ZBTB7C: variants seen among roughly 807,000 people sequenced by gnomAD.
The protein encoded by ZBTB7C is zinc finger and BTB domain-containing protein 7C.
ZBTB7C carries 8 observed loss-of-function variants against 25.7 expected under a neutral mutation model. The observed-to-expected ratio is 0.31, with a 90% CI of 0.18 to 0.56. The LOEUF (loss-of-function observed/expected upper bound fraction) is 0.56, where lower values mean the gene tolerates loss of function less well. Ranked by LOEUF, ZBTB7C falls within the 20% of genes least tolerant of loss-of-function variation. The pLI, the probability that ZBTB7C is intolerant of heterozygous loss-of-function variation, is 0.91. For missense variants in ZBTB7C, 824 were observed against 855.2 expected, an observed-to-expected ratio of 0.96 and a Z score of 0.46; for synonymous variants, 394 against 369.0, an observed-to-expected ratio of 1.07 and a Z score of -0.78.
At chr18:48,048,640 C>T (rs2036564979) in intron 3 of ZBTB7C, among the ~76,000 whole-genome samples, 1 of 152,204 alleles carries the variant, frequency 6.6e-6, no homozygotes, top group Non-Finnish European at 1.5e-5. Flanking sequence ...TCAACCAATG[C>T]TAGCAATTGT....
At chr18:48,309,328 T>C (rs1016967559) in intron 2 of ZBTB7C, among the ~76,000 whole-genome samples, 1 of 152,216 alleles carries the variant, frequency 6.6e-6, no homozygotes, top group Non-Finnish European at 1.5e-5. Flanking sequence ...CACACTCTTC[T>C]CCAGCAATTT....
At chr18:48,322,474 T>C (rs1156435383) in intron 2 of ZBTB7C, among the ~76,000 whole-genome samples, 3 of 152,164 alleles carry the variant, frequency 2.0e-5, no homozygotes, top group African/African-American at 7.2e-5. Context: ...GCAAGAACCA[T>C]GTCAGCACTT....
At chr18:48,378,485 C>G (rs1009606427) in intron 1 of ZBTB7C, among the ~76,000 whole-genome samples, 2 of 152,182 alleles carry the variant, frequency 1.3e-5, no homozygotes, top group Non-Finnish European at 2.9e-5. Flanking sequence ...CTTTACAATA[C>G]TGACATTGAA....
rs2035643873 is a variant in ZBTB7C, at chr18:48,029,543, G to C, written c.1577C>G (p.Pro526Arg). The C allele has an allele frequency of 6.4e-7, 1 of 1,563,358 alleles. No homozygotes were observed. The change falls in exon 5 of 5, where the codon CCG becomes CGG. Residue 526 changes from proline (P) to arginine (R), a missense_variant. Pro to Arg is a moderately radical substitution (Grantham distance 103). Transcript: ENST00000590800. ...GHLGGAAVCLPGPSPAKHFLA... is the reference protein window; with the variant it reads ...GHLGGAAVCLRGPSPAKHFLA... ...GAAGTGCTTGGCGGGGCTGGGGCCC[G>C]GGAGGCACACAGCTGCGCCGCCCAG... is the stretch of plus-strand genomic sequence containing the variant.
chr18:48,398,907 C>A (rs960351781), intron 1 of ZBTB7C, among the ~76,000 whole-genome samples: 1 of 152,196 alleles, frequency 6.6e-6, no homozygotes, highest in Admixed American at 6.5e-5. Flanking sequence ...GTCTTGTGAA[C>A]AATAACTTGG....
At chr18:48,368,753 A>G (rs1309020732) in intron 1 of ZBTB7C, among the ~76,000 whole-genome samples, 1 of 152,226 alleles carries the variant, frequency 6.6e-6, no homozygotes, top group Non-Finnish European at 1.5e-5. Context: ...CAGGTTTCTC[A>G]TCAGAAACCA....
At chr18:48,395,481 G>GTGTA (rs2048009521) in intron 1 of ZBTB7C, among the ~76,000 whole-genome samples, 2 of 151,496 alleles carry the variant, frequency 1.3e-5, no homozygotes, top group African/African-American at 4.9e-5. Context: ...GTGTGTGTGT[G>GTGTA]TGTGTGTGTG....
intron 3 of ZBTB7C, among the ~76,000 whole-genome samples, chr18:48,043,940 GT>G (rs2036364664): frequency 6.6e-6 from 1 of 152,164 alleles, no homozygotes; most frequent in African/African-American, 2.4e-5. Context: ...TTTACCCAGG[GT>G]GAACAGGGGA....
chr18:48,071,044 A>G (rs192718909), intron 3 of ZBTB7C, among the ~76,000 whole-genome samples: 1 of 152,348 alleles, frequency 6.6e-6, no homozygotes, highest in Admixed American at 6.5e-5. Flanking sequence ...ACTGCTTTTC[A>G]CATCTATAGC....
intron 2 of ZBTB7C, among the ~76,000 whole-genome samples, chr18:48,239,994 C>T (rs2043481866): frequency 6.6e-6 from 1 of 151,764 alleles, no homozygotes; most frequent in South Asian, 2.1e-4. Flanking sequence ...AAAAAAATCT[C>T]CAGAGAAATA....
At chr18:48,159,086 C>T (rs1201415590) in intron 3 of ZBTB7C, among the ~76,000 whole-genome samples, 1 of 152,240 alleles carries the variant, frequency 6.6e-6, no homozygotes, top group Non-Finnish European at 1.5e-5. Flanking sequence ...CCACTCCTGG[C>T]CTCAAGGAGC....
chr18:48,224,561 T>A (rs1193133002), intron 2 of ZBTB7C, among the ~76,000 whole-genome samples: 1 of 152,142 alleles, frequency 6.6e-6, no homozygotes, highest in African/African-American at 2.4e-5. Context: ...CTGTCCTTCA[T>A]TAACAGCAAA....
intron 3 of ZBTB7C, among the ~76,000 whole-genome samples, chr18:48,096,848 G>A (rs1264689532): frequency 1.3e-5 from 2 of 152,212 alleles, no homozygotes; most frequent in Non-Finnish European, 2.9e-5. Flanking sequence ...ATCAAAGTTT[G>A]TGTTGGGTCT....
At chr18:48,246,324 G>A (rs1199345756) in intron 2 of ZBTB7C, among the ~76,000 whole-genome samples, 1 of 151,992 alleles carries the variant, frequency 6.6e-6, no homozygotes, top group Non-Finnish European at 1.5e-5. Context: ...CAGCTACTTG[G>A]GAGGCTAAGG....
chr18:48,133,985 G>A (rs2040068391), intron 3 of ZBTB7C, among the ~76,000 whole-genome samples: 1 of 152,000 alleles, frequency 6.6e-6, no homozygotes, highest in African/African-American at 2.4e-5. Context: ...GGGTGCTCAC[G>A]GCCCTTATCA....
At chr18:48,152,002 T>C (rs2040693985) in intron 3 of ZBTB7C, among the ~76,000 whole-genome samples, 1 of 151,942 alleles carries the variant, frequency 6.6e-6, no homozygotes, top group African/African-American at 2.4e-5. Flanking sequence ...GAGGACACTG[T>C]AGGAGGATGG....
chr18:48,050,963 C>G (rs1470599832), intron 3 of ZBTB7C, among the ~76,000 whole-genome samples: 1 of 152,114 alleles, frequency 6.6e-6, no homozygotes, highest in Non-Finnish European at 1.5e-5. Context: ...AACGAGAAAC[C>G]TAAGCTCCTG....
chr18:48,321,733 A>T (rs1048833187), intron 2 of ZBTB7C, among the ~76,000 whole-genome samples: 17 of 152,190 alleles, frequency 1.1e-4, no homozygotes, highest in Non-Finnish European at 7.3e-5. Flanking sequence ...TCCCAAGGGC[A>T]GCCAGCCTCA....
intron 2 of ZBTB7C, among the ~76,000 whole-genome samples, chr18:48,282,723 T>G (rs748836590): frequency 1.3e-5 from 2 of 152,164 alleles, no homozygotes; most frequent in African/African-American, 2.4e-5. Context: ...TTCCCCAACC[T>G]AAAGTTGAGT....
Sources: gnomAD v4.1 joint callset for allele counts (sites outside exome capture counted in the v4.1 genomes callset) on GRCh38, gnomAD v4.1.1 for gene constraint, MANE v1.5 for transcripts, NCBI Gene and HGNC (gene_info 2026-07-23, HGNC 2026-07-21) for gene names.